PTK2B: variants seen among roughly 807,000 people sequenced by gnomAD.
The protein encoded by PTK2B is protein tyrosine kinase 2 beta, also known as protein-tyrosine kinase 2-beta.
A neutral mutation model predicts 142.9 loss-of-function variants in PTK2B; 71 were observed. The ratio of observed to expected loss-of-function variants is 0.50; its 90% CI spans 0.41 to 0.61. PTK2B has a LOEUF of 0.61. Ranked by LOEUF, PTK2B falls within the 20% of genes least tolerant of loss-of-function variation. The probability of loss-of-function intolerance (pLI) is 0.00; values close to 1 mark genes in which losing one functional copy is unlikely to be tolerated. For missense variants in PTK2B, 1,105 were observed against 1,320.4 expected (o/e 0.84, Z 2.53); for synonymous variants, 519 against 503.4 (o/e 1.03, Z -0.42).
chr8:27,437,905 G>C (rs565437493), intron 18 of PTK2B, 25 bp downstream of exon 18: 26 of 1,576,086 alleles, frequency 1.6e-5, no homozygotes, highest in Non-Finnish European at 2.3e-5. Flanking sequence ...AGTGGCCAGC[G>C]GTATGGAAGC....
At chr8:27,361,928 A>G (rs1805733916) in intron 1 of PTK2B, among the ~76,000 whole-genome samples, 1 of 152,102 alleles carries the variant, frequency 6.6e-6, no homozygotes. Context: ...CCTAGTCATC[A>G]TTTCAGTCAG....
intron 11 of PTK2B, 117 bp from the exon 12 acceptor site, chr8:27,433,976 T>C: frequency 1.5e-6 from 2 of 1,343,390 alleles, no homozygotes; most frequent in Non-Finnish European, 2.1e-6. Context: ...TAGGAGAGAA[T>C]GGAATTAGGG....
chr8:27,412,526 G>A (rs933504930), intron 2 of PTK2B, among the ~76,000 whole-genome samples: 17 of 152,090 alleles, frequency 1.1e-4, no homozygotes, highest in African/African-American at 3.9e-4. Flanking sequence ...GGTGGCAGGT[G>A]CTCCCTGTCC....
At chr8:27,391,846 T>C (rs1807745320) in intron 1 of PTK2B, among the ~76,000 whole-genome samples, 1 of 152,232 alleles carries the variant, frequency 6.6e-6, no homozygotes. Context: ...TTTCTTGTGT[T>C]TGTTATTCTT....
intron 30 of PTK2B, among the ~76,000 whole-genome samples, chr8:27,455,952 C>A (rs998980540): frequency 5.9e-5 from 9 of 152,234 alleles, no homozygotes; most frequent in Non-Finnish European, 1.2e-4. Context: ...ACTGTCCCCA[C>A]TGTCAGTGGC....
At chr8:27,340,856 G>A (rs1804353690) in intron 1 of PTK2B, among the ~76,000 whole-genome samples, 1 of 152,206 alleles carries the variant, frequency 6.6e-6, no homozygotes, top group Admixed American at 6.5e-5. Context: ...CAGGGCTGGT[G>A]AAGGAAGAAC....
intron 1 of PTK2B, among the ~76,000 whole-genome samples, chr8:27,331,651 T>C (rs1803758081): frequency 6.6e-6 from 1 of 151,128 alleles, no homozygotes; most frequent in Non-Finnish European, 1.5e-5. Context: ...CATCCCTGGC[T>C]AATTCTTTTA....
chr8:27,320,143 G>T (rs1586071516), intron 3 of PTK2B, among the ~76,000 whole-genome samples: 1 of 152,138 alleles, frequency 6.6e-6, no homozygotes, highest in Admixed American at 6.5e-5. Context: ...GATTCAAACT[G>T]TGAGGTAGGA....
intron 5 of PTK2B, among the ~76,000 whole-genome samples, chr8:27,426,620 G>A (rs1041950616): frequency 5.9e-5 from 9 of 152,188 alleles, no homozygotes; most frequent in Non-Finnish European, 1.5e-5. Flanking sequence ...TGCTCCAAAT[G>A]TTAGAAACAC....
rs367562360 is a variant in PTK2B at position 27,430,873 on chromosome 8, C to G, written c.670-3C>G. On this transcript the variant is annotated splice_region_variant and splice_polypyrimidine_tract_variant and intron_variant, in intron 7 of 30. Transcript: ENST00000346049. ...TGCTCACACGGCCCATCCCCTCCCCCAGCCCAAACAGTTCCGGAAGATGAT... is the reference window on the plus strand; with the variant it reads ...TGCTCACACGGCCCATCCCCTCCCCGAGCCCAAACAGTTCCGGAAGATGAT... 3 of 1,613,488 alleles carry G rather than the reference C, an allele frequency of 1.9e-6. No individual in the cohort carries two copies. Among genetic ancestry groups the G allele is most frequent in the Non-Finnish European group, 2.5e-6 (3 of 1,179,644 alleles).
chr8:27,456,440 T>TAA (rs1432795799), intron 30 of PTK2B, among the ~76,000 whole-genome samples: 1 of 152,236 alleles, frequency 6.6e-6, no homozygotes, highest in Non-Finnish European at 1.5e-5. Context: ...GGGGCCATCA[T>TAA]AAACTGTGCC....
intron 2 of PTK2B, among the ~76,000 whole-genome samples, chr8:27,411,259 A>G (rs1010531692): frequency 2.0e-5 from 3 of 152,230 alleles, no homozygotes; most frequent in African/African-American, 7.2e-5. Flanking sequence ...AGCTGTTTAC[A>G]TATTAGAATG....
chr8:27,419,113 C>A (rs1378519742), intron 2 of PTK2B, among the ~76,000 whole-genome samples: 1 of 152,184 alleles, frequency 6.6e-6, no homozygotes, highest in Non-Finnish European at 1.5e-5. Flanking sequence ...GGTTGGCCCA[C>A]CTGTTAATCC....
exon 1 of PTK2B, chr8:27,311,496 C>G: frequency 1.8e-6 from 1 of 545,272 alleles, no homozygotes; most frequent in South Asian, 2.6e-5. Flanking sequence ...TTCCCGCCTC[C>G]TCAGGTCCGG....
intron 27 of PTK2B, 53 bp downstream of exon 27, chr8:27,451,562 G>A: frequency 6.2e-7 from 1 of 1,613,252 alleles, no homozygotes; most frequent in South Asian, 1.1e-5. Context: ...CTTGTGCAGA[G>A]CCACCATCCT....
chr8:27,432,063 A>G (rs1810464736), intron 9 of PTK2B, 197 bp from the exon 10 acceptor site: 2 of 513,754 alleles, frequency 3.9e-6, no homozygotes, highest in Non-Finnish European at 7.0e-6. Context: ...TTCTTCTTCC[A>G]ATGTGGCCCA....
chr8:27,417,631 A>T (rs1222352721), intron 2 of PTK2B, among the ~76,000 whole-genome samples: 1 of 152,238 alleles, frequency 6.6e-6, no homozygotes, highest in Non-Finnish European at 1.5e-5. Flanking sequence ...GTTGAGTCAC[A>T]GCTGGGGAGT....
intron 2 of PTK2B, among the ~76,000 whole-genome samples, chr8:27,408,892 G>T (rs908421216): frequency 2.0e-5 from 3 of 152,156 alleles, no homozygotes; most frequent in African/African-American, 7.2e-5. Flanking sequence ...CACAGTTCTG[G>T]AGGCTAGAAA....
Position 27,351,026 on chromosome 8 carries a change from TATATATATATATATAC to T in PTK2B, c.-38+25346_-38+25361del, listed in dbSNP as rs1563211203. On this transcript the variant is annotated intron_variant, in intron 1 of 30. Coordinates refer to ENST00000346049, the MANE Select transcript of PTK2B (RefSeq NM_173176.3). Reference sequence around the variant, plus strand: ...ATATATATATATATATATATATATATATATATATATATATACGTGCTTGGAGCAGGCACAGTGGTGC... The same window carrying T: ...ATATATATATATATATATATATATATGTGCTTGGAGCAGGCACAGTGGTGC... Among the ~76,000 whole-genome samples, 14 of 79,690 alleles carry T rather than the reference TATATATATATATATAC, an allele frequency of 1.8e-4. 2 individuals are homozygous for T. Among genetic ancestry groups the T allele is most frequent in the African/African-American group, 6.0e-4 (11 of 18,262 alleles). The allele number at this position is 79,690 out of a possible 152,430, so 52.3% of individuals were successfully genotyped here.
Sources: allele counts gnomAD v4.1 joint callset (sites outside exome capture counted in the v4.1 genomes callset), GRCh38; gene constraint gnomAD v4.1.1; transcripts MANE v1.5; gene names NCBI Gene and HGNC (gene_info 2026-07-23, HGNC 2026-07-21).